MTRF1: variants seen among roughly 807,000 people sequenced by gnomAD.
MTRF1 encodes the protein peptide chain release factor 1, mitochondrial.
A neutral mutation model predicts 62.9 loss-of-function variants in MTRF1; 51 were observed. That is an observed-to-expected ratio of 0.81 (90% confidence interval 0.65 to 1.02). The LOEUF (loss-of-function observed/expected upper bound fraction) is 1.02. Ranked by LOEUF, MTRF1 falls within the 50% of genes least tolerant of loss-of-function variation. The probability of loss-of-function intolerance (pLI) is 0.00; values close to 1 mark genes in which losing one functional copy is unlikely to be tolerated. For synonymous variants in MTRF1, 158 were observed against 181.9 expected (o/e 0.87, Z 1.06); for missense variants, 446 against 530.0 (o/e 0.84, Z 1.56).
At chr13:41,246,179 C>G (rs2038228524) in intron 5 of MTRF1, among the ~76,000 whole-genome samples, 1 of 152,152 alleles carries the variant, frequency 6.6e-6, no homozygotes, top group South Asian at 2.1e-4. Context: ...CAGATGCCAC[C>G]CCATTGCTTC....
the MTRF1 span, among the ~76,000 whole-genome samples, chr13:41,293,961 CAAATT>C: frequency 1.3e-5 from 2 of 151,612 alleles, no homozygotes; most frequent in Non-Finnish European, 2.9e-5. Context: ...AAAAAGAAAA[CAAATT>C]AAAAGTAAAA....
the MTRF1 span, chr13:41,311,460 A>G: frequency 2.7e-6 from 4 of 1,474,308 alleles, no homozygotes; most frequent in African/African-American, 4.2e-5. Flanking sequence ...CCCGGTGCCC[A>G]CCCCCGCGAA....
the MTRF1 span, chr13:41,311,449 TC>T: frequency 7.1e-7 from 1 of 1,400,506 alleles, no homozygotes; most frequent in East Asian, 2.5e-5. Context: ...CAGCGGTTCG[TC>T]CCGGTGCCCA....
chr13:41,257,929 G>A (rs2039946935), intron 2 of MTRF1: 1 of 187,934 alleles, frequency 5.3e-6, no homozygotes, highest in African/African-American at 2.3e-5. Context: ...CTTTGTAAAT[G>A]TAGCTATTAT....
chr13:41,286,499 C>T, the MTRF1 span, among the ~76,000 whole-genome samples: 1 of 152,112 alleles, frequency 6.6e-6, no homozygotes, highest in East Asian at 1.9e-4. Flanking sequence ...ACCTGCTAAC[C>T]CAGGATAGTC....
chr13:41,267,110 T>C (rs1237423790), upstream of MTRF1, among the ~76,000 whole-genome samples: 4 of 151,832 alleles, frequency 2.6e-5, no homozygotes, highest in Non-Finnish European at 5.9e-5. Flanking sequence ...TTGCAATTGG[T>C]TGTTATATTG....
At chr13:41,293,231 T>C in the MTRF1 span, among the ~76,000 whole-genome samples, 1 of 152,190 alleles carries the variant, frequency 6.6e-6, no homozygotes, top group East Asian at 1.9e-4. Context: ...TGGTAAAATC[T>C]GGCATAGTTG....
chr13:41,231,142 G>C (rs1437829201), intron 7 of MTRF1, among the ~76,000 whole-genome samples: 1 of 152,194 alleles, frequency 6.6e-6, no homozygotes, highest in Non-Finnish European at 1.5e-5. Context: ...ATTAAAGACA[G>C]AAAGTGGATG....
chr13:41,270,453 A>G, the MTRF1 span, among the ~76,000 whole-genome samples: 1 of 152,208 alleles, frequency 6.6e-6, no homozygotes, highest in Non-Finnish European at 1.5e-5. Context: ...TAGACATATT[A>G]GGGATGCTGA....
At chr13:41,301,253 C>T in the MTRF1 span, among the ~76,000 whole-genome samples, 1 of 152,148 alleles carries the variant, frequency 6.6e-6, no homozygotes, top group South Asian at 2.1e-4. Flanking sequence ...CTTTTCCCTT[C>T]ACCCTTTGAA....
the MTRF1 span, among the ~76,000 whole-genome samples, chr13:41,299,910 G>C: frequency 6.6e-6 from 1 of 152,076 alleles, no homozygotes; most frequent in Non-Finnish European, 1.5e-5. Flanking sequence ...AACTCCTACC[G>C]AACAGTAGAG....
At chr13:41,252,414 C>T in intron 5 of MTRF1, 1 of 331,358 alleles carries the variant, frequency 3.0e-6, no homozygotes, top group Non-Finnish European at 5.5e-6. Context: ...GGAATTTTCT[C>T]TAATTCACAT....
At position 41,242,123 on chromosome 13, in the gene MTRF1, C is replaced by T. The variant is rs569155401; in HGVS notation, c.698-1690G>A. On this transcript the variant is annotated intron_variant, in intron 5 of 9. Transcript: ENST00000379480. ...CCTTTTATCAGTTCTACCAAGATAC[C>T]AACGTTTTTTTTTTGTAATATACTG... Among the ~76,000 whole-genome samples the T allele has an allele frequency of 3.8e-3, 575 of 151,430 alleles. 6 individuals are homozygous for T. Among genetic ancestry groups the T allele is most frequent in the African/African-American group, 0.013 (546 of 41,350 alleles).
chr13:41,227,300 CA>C (rs77023849), intron 7 of MTRF1, among the ~76,000 whole-genome samples: 286 of 135,056 alleles, frequency 2.1e-3, no homozygotes, highest in African/African-American at 4.6e-3. Context: ...CAACAAAAAC[CA>C]AAAAAAAAAA....
At chr13:41,227,219 G>C (rs867573360) in intron 7 of MTRF1, among the ~76,000 whole-genome samples, 1 of 151,858 alleles carries the variant, frequency 6.6e-6, no homozygotes, top group Non-Finnish European at 1.5e-5. Flanking sequence ...CCTGGGAGGC[G>C]GAGGTTGCAG....
the MTRF1 span, among the ~76,000 whole-genome samples, chr13:41,282,882 CCTGA>C: frequency 1.2e-4 from 18 of 152,358 alleles, no homozygotes; most frequent in East Asian, 1.9e-4. Flanking sequence ...TGCCCTCCTG[CCTGA>C]CTGTGTGGCC....
chr13:41,218,281 A>ATTTTTTTTTTTTTTTTTTTTTT (rs199717534), intron 9 of MTRF1, among the ~76,000 whole-genome samples: 1 of 117,832 alleles, frequency 8.5e-6, no homozygotes, highest in African/African-American at 3.2e-5. Context: ...CACCCAGCTA[A>ATTTTTTTTTTTTTTTTTTTTTT]TTTTTTTTTT....
chr13:41,216,854 C>T lies in MTRF1; in HGVS notation c.*261G>A. The T allele has an allele frequency of 4.5e-6, 1 of 224,488 alleles. No individual in the cohort carries two copies. The highest frequency in any genetic ancestry group is 8.6e-6 in the Non-Finnish European group (1 of 116,896). The allele number at this position is 224,488 out of a possible 1,614,324, so 13.9% of individuals were successfully genotyped here. On this transcript the variant is annotated 3_prime_UTR_variant, in exon 10 of 10. Coordinates refer to ENST00000379480, the MANE Select transcript of MTRF1 (RefSeq NM_004294.4). ...AACAAGTGACTTGTCCTAAATGACA[C>T]AATCAATTCTCAATACTTTCTCTTT...
chr13:41,258,734 AC>A (rs2040045601), intron 2 of MTRF1, among the ~76,000 whole-genome samples: 1 of 152,182 alleles, frequency 6.6e-6, no homozygotes, highest in Non-Finnish European at 1.5e-5. Context: ...TTTCTTAGAT[AC>A]GACTCCCAAA....
Sources: gnomAD v4.1 joint callset for allele counts (sites outside exome capture counted in the v4.1 genomes callset) on GRCh38, gnomAD v4.1.1 for gene constraint, MANE v1.5 for transcripts, NCBI Gene and HGNC (gene_info 2026-07-23, HGNC 2026-07-21) for gene names.